The following PPM1L variants were observed in gnomAD, a reference collection of about 807,000 sequenced individuals.
PPM1L encodes the protein protein phosphatase 1L.
PPM1L carries 13 observed loss-of-function variants against 31.4 expected under a neutral mutation model. That is an observed-to-expected ratio of 0.41 (90% CI 0.27 to 0.66). PPM1L has a LOEUF of 0.66. Among genes scored for constraint, PPM1L ranks in the 30% least tolerant of loss-of-function variants. The pLI is 0.29. For synonymous variants in PPM1L, 184 were observed against 175.4 expected (o/e 1.05, Z -0.39); for missense variants, 326 against 453.7 (o/e 0.72, Z 2.56).
chr3:161,069,119 G>C lies in PPM1L; in HGVS notation c.1045G>C (p.Val349Leu), dbSNP rs1195902002. Residue 349 changes from valine (V) to leucine (L), a missense_variant, in exon 4 of 4, where the codon GTG (valine) becomes CTG (leucine). Physicochemically the swap from Val to Leu is conservative, Grantham distance 32 (BLOSUM62 1). Transcript: ENST00000498165. ...GCPDNITVMV[V>L]KFRNSSKTEE... ...CCCTGACAATATAACAGTCATGGTG[G>C]TGAAGTTCAGAAATAGCAGCAAAAC... 1.2e-6 allele frequency: 2 copies of C among 1,613,946 alleles called. No individual in the cohort carries two copies. Among genetic ancestry groups the C allele is most frequent in the Non-Finnish European group, 1.7e-6 (2 of 1,180,002 alleles).
At chr3:160,909,721 A>G (rs1455582225) in intron 1 of PPM1L, among the ~76,000 whole-genome samples, 1 of 152,234 alleles carries the variant, frequency 6.6e-6, no homozygotes, top group Non-Finnish European at 1.5e-5. Flanking sequence ...ACTAAGAGGA[A>G]AATCAGGGAA....
chr3:160,860,921 G>A (rs1216638521), intron 1 of PPM1L, among the ~76,000 whole-genome samples: 1 of 152,064 alleles, frequency 6.6e-6, no homozygotes, highest in African/African-American at 2.4e-5. Context: ...CCTCTAAAAA[G>A]CCCCACCTCC....
chr3:161,036,845 C>A (rs1423780050), intron 2 of PPM1L, among the ~76,000 whole-genome samples: 3 of 152,182 alleles, frequency 2.0e-5, no homozygotes, highest in African/African-American at 7.2e-5. Flanking sequence ...AAAGATGGGA[C>A]AAGTCCGTTT....
chr3:160,955,934 G>A (rs142912113), intron 1 of PPM1L, among the ~76,000 whole-genome samples: 7 of 152,210 alleles, frequency 4.6e-5, no homozygotes, highest in African/African-American at 1.2e-4. Context: ...GATTACAGGC[G>A]TGAGCCACCA....
At chr3:160,872,545 T>C (rs1187847369) in intron 1 of PPM1L, among the ~76,000 whole-genome samples, 1 of 152,214 alleles carries the variant, frequency 6.6e-6, no homozygotes, top group Non-Finnish European at 1.5e-5. Context: ...CAAACCAGAA[T>C]TAAATTTTGA....
chr3:160,996,657 A>G (rs1717335956), intron 2 of PPM1L, among the ~76,000 whole-genome samples: 1 of 152,144 alleles, frequency 6.6e-6, no homozygotes, highest in Non-Finnish European at 1.5e-5. Context: ...AGAGGGGAGC[A>G]AAGGATAAAA....
intron 2 of PPM1L, among the ~76,000 whole-genome samples, chr3:160,974,716 GTTGT>G (rs1169296488): frequency 2.7e-5 from 4 of 147,660 alleles, no homozygotes; most frequent in Non-Finnish European, 4.5e-5. Context: ...TTTTGATGGG[GTTGT>G]TTGTTTTTTT....
At chr3:160,779,670 C>G (rs999375536) in intron 1 of PPM1L, among the ~76,000 whole-genome samples, 1 of 151,880 alleles carries the variant, frequency 6.6e-6, no homozygotes, top group Non-Finnish European at 1.5e-5. Flanking sequence ...TTACAGGTGC[C>G]CACCATTATG....
At chr3:160,824,905 C>T (rs1406277160) in intron 1 of PPM1L, among the ~76,000 whole-genome samples, 4 of 151,890 alleles carry the variant, frequency 2.6e-5, no homozygotes, top group Non-Finnish European at 5.9e-5. Flanking sequence ...CATTTTATTT[C>T]CTTCAGCTTA....
At chr3:160,772,861 T>A (rs1332805177) in intron 1 of PPM1L, among the ~76,000 whole-genome samples, 1 of 152,234 alleles carries the variant, frequency 6.6e-6, no homozygotes, top group Non-Finnish European at 1.5e-5. Flanking sequence ...TCAGCACAAT[T>A]ATTTTGAGAT....
intron 1 of PPM1L, among the ~76,000 whole-genome samples, chr3:160,862,027 C>T (rs1711910656): frequency 1.3e-5 from 2 of 152,112 alleles, no homozygotes; most frequent in East Asian, 3.9e-4. Flanking sequence ...ATCACATCTG[C>T]AGAGTCCCGT....
rs1379233697 is a variant in PPM1L at position 161,071,951 on chromosome 3, C to T, written c.*2794C>T. On this transcript the variant is annotated 3_prime_UTR_variant, in exon 4 of 4. Coordinates refer to ENST00000498165, the MANE Select transcript of PPM1L (RefSeq NM_139245.4). ...CCTAGCTAGCTCGAGTTCGAATTGC[C>T]AATAGTCCCCATGGTGCCAAATTTT... is the stretch of plus-strand genomic sequence containing the variant. 1 of 152,160 alleles carries T rather than the reference C, an allele frequency of 6.6e-6. No individual in the cohort carries two copies. Among genetic ancestry groups the T allele is most frequent in the East Asian group, 1.9e-4 (1 of 5,186 alleles). 9.4% of individuals were successfully genotyped at this position (152,160 alleles called of 1,614,324 possible).
intron 1 of PPM1L, among the ~76,000 whole-genome samples, chr3:160,781,978 T>C (rs1304764793): frequency 3.3e-5 from 5 of 152,206 alleles, no homozygotes; most frequent in Non-Finnish European, 7.3e-5. Flanking sequence ...TTAAGATTTA[T>C]TTGGTTTTTA....
chr3:161,049,082 A>G (rs1310071630), intron 2 of PPM1L, among the ~76,000 whole-genome samples: 9 of 151,858 alleles, frequency 5.9e-5, no homozygotes, highest in Non-Finnish European at 1.2e-4. Flanking sequence ...AGTATTAAAA[A>G]AAAAAAAAAC....
At chr3:160,876,035 AT>A (rs1411193538) in intron 1 of PPM1L, among the ~76,000 whole-genome samples, 4 of 152,228 alleles carry the variant, frequency 2.6e-5, no homozygotes, top group Non-Finnish European at 5.9e-5. Context: ...CACCAAATCT[AT>A]TAGGAAGAAT....
At chr3:160,887,472 G>A (rs1375372615) in intron 1 of PPM1L, among the ~76,000 whole-genome samples, 1 of 151,726 alleles carries the variant, frequency 6.6e-6, no homozygotes, top group Non-Finnish European at 1.5e-5. Flanking sequence ...AAAAGCGAGA[G>A]AGAAAGACCA....
intron 2 of PPM1L, among the ~76,000 whole-genome samples, chr3:161,013,936 T>A (rs1420890208): frequency 6.6e-6 from 1 of 152,224 alleles, no homozygotes; most frequent in Non-Finnish European, 1.5e-5. Flanking sequence ...GAAATGGGTC[T>A]CCTGAATATG....
intron 2 of PPM1L, among the ~76,000 whole-genome samples, chr3:161,018,838 C>T (rs1028423496): frequency 3.3e-5 from 5 of 152,186 alleles, no homozygotes; most frequent in Non-Finnish European, 7.3e-5. Flanking sequence ...CTCGGCATTC[C>T]AGGCATTCTG....
chr3:160,817,501 G>T (rs1428596914), intron 1 of PPM1L, among the ~76,000 whole-genome samples: 7 of 152,042 alleles, frequency 4.6e-5, no homozygotes, highest in Non-Finnish European at 8.8e-5. Flanking sequence ...ATTTTTACAC[G>T]GCGCCTACTT....
Sources: allele counts gnomAD v4.1 joint callset (sites outside exome capture counted in the v4.1 genomes callset), GRCh38; gene constraint gnomAD v4.1.1; transcripts MANE v1.5; gene names NCBI Gene and HGNC (gene_info 2026-07-23, HGNC 2026-07-21).